Variants in KIAA0319 observed in about 807,000 individuals in gnomAD.
KIAA0319 encodes the protein dyslexia-associated protein KIAA0319.
A neutral mutation model predicts 108.4 loss-of-function variants in KIAA0319; 83 were observed. The ratio of observed to expected loss-of-function variants is 0.77; its 90% CI spans 0.64 to 0.92. The LOEUF (loss-of-function observed/expected upper bound fraction) is 0.92. KIAA0319 is among the 40% of genes least tolerant of loss of function. KIAA0319 has a pLI of 0.00. For synonymous variants in KIAA0319, 484 were observed against 510.4 expected (o/e 0.95, Z 0.70); for missense variants, 1,195 against 1,322.4 (o/e 0.90, Z 1.49).
chr6:24,581,349 C>T (rs1766514248), intron 6 of KIAA0319, among the ~76,000 whole-genome samples: 1 of 152,152 alleles, frequency 6.6e-6, no homozygotes, highest in African/African-American at 2.4e-5. Context: ...TGCCGGTGGT[C>T]TGGATGCCAC....
chr6:24,617,778 G>A (rs1773368356), intron 1 of KIAA0319, among the ~76,000 whole-genome samples: 1 of 152,162 alleles, frequency 6.6e-6, no homozygotes. Flanking sequence ...CCTGAGGTCA[G>A]GAGTTCAAGA....
At position 24,616,205 on chromosome 6, in the gene KIAA0319, A is replaced by T. The variant is rs559094319; in HGVS notation, c.-105-14997T>A. On this transcript the variant is annotated intron_variant, in intron 1 of 20. Transcript: ENST00000378214. The stretch of plus-strand genomic sequence containing the variant: ...TGGTATGAAAATTGAGGATATTTTT[A>T]AAACCCAATTAATAATGTAAAACAT... Among the ~76,000 whole-genome samples the T allele has an allele frequency of 3.9e-5, 6 of 152,372 alleles. No individual in the cohort carries two copies. The South Asian group carries it at 1.2e-3, about 32-fold the overall frequency.
At chr6:24,638,933 CAAAG>C (rs1277161172) in intron 1 of KIAA0319, among the ~76,000 whole-genome samples, 2 of 151,936 alleles carry the variant, frequency 1.3e-5, no homozygotes, top group East Asian at 1.9e-4. Flanking sequence ...CACAAACAAA[CAAAG>C]AAACAGTCAA....
At chr6:24,573,730 A>G (rs1183648571) in intron 10 of KIAA0319, among the ~76,000 whole-genome samples, 7 of 152,218 alleles carry the variant, frequency 4.6e-5, no homozygotes, top group Admixed American at 4.6e-4. Flanking sequence ...TGATCAATTT[A>G]TTTGAACTTA....
At chr6:24,552,003 C>G (rs1761582087) in intron 19 of KIAA0319, among the ~76,000 whole-genome samples, 3 of 151,988 alleles carry the variant, frequency 2.0e-5, no homozygotes, top group Non-Finnish European at 4.4e-5. Flanking sequence ...CAGCTGCTCC[C>G]CACCTTTTTC....
chr6:24,559,945 G>A (rs923709010), intron 16 of KIAA0319, among the ~76,000 whole-genome samples: 2 of 152,164 alleles, frequency 1.3e-5, no homozygotes, highest in Non-Finnish European at 2.9e-5. Flanking sequence ...CAGATAGATG[G>A]AATCATACAA....
intron 15 of KIAA0319, among the ~76,000 whole-genome samples, chr6:24,563,840 T>A (rs1763447324): frequency 6.6e-6 from 1 of 152,196 alleles, no homozygotes; most frequent in African/African-American, 2.4e-5. Context: ...CAAGTGCCAA[T>A]GGGCACTTCC....
At chr6:24,549,326 C>A (rs1174560927) in intron 20 of KIAA0319, among the ~76,000 whole-genome samples, 186 of 115,524 alleles carry the variant, frequency 1.6e-3, no homozygotes, top group East Asian at 2.0e-3. Context: ...ACTCTGTCTC[C>A]AAAAAAAAAA....
chr6:24,580,988 T>C lies in KIAA0319; in HGVS notation c.1217A>G (p.Lys406Arg), dbSNP rs190995655. ...GGCGTTTTCACTAGAAACAGTGACT[T>C]TGAAGACATAAAGTCCGACGGACAA... ...SQLSVGLYVF[K>R]VTVSSENAFG... Residue 406 changes from lysine (K) to arginine (R), a missense_variant, in exon 7 of 21, where the codon AAA becomes AGA. Transcript: ENST00000378214. 2.6e-5 allele frequency: 42 copies of C among 1,612,268 alleles called. No homozygotes were observed. The highest frequency in any genetic ancestry group is 5.0e-5 in the Admixed American group (3 of 59,946).
At position 24,582,257 on chromosome 6, in the gene KIAA0319, GGTTAAGA is replaced by G; in HGVS notation, c.1176_1182del (p.Leu393SerfsTer41). 6.3e-7 allele frequency: 1 copy of G among 1,580,864 alleles called. No homozygotes were observed. The highest frequency in any genetic ancestry group is 8.7e-7 in the Non-Finnish European group (1 of 1,149,926). ...AGTCTCCAGTTACTTACTTGAGAGA[GGTTAAGA>G]GTTTGCTTGTGTCCTTGTTTTATTT... is the stretch of plus-strand genomic sequence containing the variant. On this transcript the variant is annotated frameshift_variant, in exon 6 of 21. Coordinates refer to ENST00000378214, the MANE Select transcript of KIAA0319 (RefSeq NM_014809.4). LOFTEE classifies it high-confidence loss of function.
intron 10 of KIAA0319, among the ~76,000 whole-genome samples, chr6:24,575,082 C>T (rs1187155342): frequency 6.6e-6 from 1 of 152,240 alleles, no homozygotes; most frequent in African/African-American, 2.4e-5. Context: ...GTACAATTTT[C>T]AGACAAATAT....
At chr6:24,561,095 C>T (rs988667038) in intron 16 of KIAA0319, among the ~76,000 whole-genome samples, 1 of 152,202 alleles carries the variant, frequency 6.6e-6, no homozygotes, top group Non-Finnish European at 1.5e-5. Flanking sequence ...ATAAATCCCA[C>T]TTGGTTATGG....
At chr6:24,574,163 G>C (rs1765140873) in intron 10 of KIAA0319, among the ~76,000 whole-genome samples, 1 of 151,674 alleles carries the variant, frequency 6.6e-6, no homozygotes, top group Non-Finnish European at 1.5e-5. Flanking sequence ...GCCGGGTGTG[G>C]TGGCTCATGC....
chr6:24,544,056 T>C (rs542509834), downstream of KIAA0319: 68 of 152,368 alleles, frequency 4.5e-4, no homozygotes, highest in African/African-American at 1.6e-3. Flanking sequence ...TCCTCAACTT[T>C]GTTGTAACAT....
chr6:24,578,513 A>G (rs1035115394), intron 8 of KIAA0319, among the ~76,000 whole-genome samples: 2 of 152,218 alleles, frequency 1.3e-5, no homozygotes, highest in African/African-American at 4.8e-5. Context: ...TTTTGCTTTT[A>G]AAAAACAGGA....
At chr6:24,542,126 G>A (rs565155577), downstream of KIAA0319, among the ~76,000 whole-genome samples, 5 of 152,290 alleles carry the variant, frequency 3.3e-5, no homozygotes, top group South Asian at 1.0e-3. Context: ...GAGCAACAGA[G>A]CAAGACTGTC....
chr6:24,608,445 A>C (rs1426249823), intron 1 of KIAA0319, among the ~76,000 whole-genome samples: 1 of 152,136 alleles, frequency 6.6e-6, no homozygotes, highest in Non-Finnish European at 1.5e-5. Context: ...TGGGAAAATT[A>C]ACAAGAAAAA....
chr6:24,562,944 T>A (rs796146599), intron 16 of KIAA0319, among the ~76,000 whole-genome samples: 11 of 152,308 alleles, frequency 7.2e-5, no homozygotes, highest in African/African-American at 2.6e-4. Context: ...CCTCATATAC[T>A]CCCAGGAGAT....
downstream of KIAA0319, chr6:24,544,008 T>A (rs921617672): frequency 4.6e-5 from 7 of 152,244 alleles, no homozygotes; most frequent in African/African-American, 1.7e-4. Flanking sequence ...GGCCAGATAG[T>A]AAATAGTTTA....
Sources: gnomAD v4.1 joint callset for allele counts (sites outside exome capture counted in the v4.1 genomes callset) on GRCh38, gnomAD v4.1.1 for gene constraint, MANE v1.5 for transcripts, NCBI Gene and HGNC (gene_info 2026-07-23, HGNC 2026-07-21) for gene names.